ZBTB2: variants seen among roughly 807,000 people sequenced by gnomAD.
The protein encoded by ZBTB2 is zinc finger and BTB domain-containing protein 2.
ZBTB2 carries 2 observed loss-of-function variants against 39.5 expected under a neutral mutation model. The ratio of observed to expected loss-of-function variants is 0.05; its 90% CI spans 0.02 to 0.16. ZBTB2 has a LOEUF of 0.16. Among genes scored for constraint, ZBTB2 ranks in the 10% least tolerant of loss-of-function variants. ZBTB2 has a pLI of 1.00. For synonymous variants in ZBTB2, 251 were observed against 256.6 expected (o/e 0.98, Z 0.21); for missense variants, 391 against 653.0 (o/e 0.60, Z 4.37).
At chr6:151,371,084 CA>C (rs1778780202) in intron 2 of ZBTB2, among the ~76,000 whole-genome samples, 1 of 152,152 alleles carries the variant, frequency 6.6e-6, no homozygotes, top group Non-Finnish European at 1.5e-5. Flanking sequence ...CTGCCCAGTA[CA>C]AAACCCCTAC....
At chr6:151,382,325 A>C (rs1463634938) in intron 1 of ZBTB2, among the ~76,000 whole-genome samples, 2 of 142,326 alleles carry the variant, frequency 1.4e-5, no homozygotes, top group Non-Finnish European at 3.0e-5. Flanking sequence ...GTGCAATCTC[A>C]GCTCACCACA....
At chr6:151,385,470 T>C (rs1355104687) in intron 1 of ZBTB2, among the ~76,000 whole-genome samples, 12 of 152,210 alleles carry the variant, frequency 7.9e-5, no homozygotes, top group Admixed American at 7.9e-4. Flanking sequence ...ACAATTATGT[T>C]GTATTTTGAC....
chr6:151,390,697 C>A (rs910002431), intron 1 of ZBTB2, among the ~76,000 whole-genome samples: 1 of 151,734 alleles, frequency 6.6e-6, no homozygotes, highest in Non-Finnish European at 1.5e-5. Flanking sequence ...CTGTAGGAGC[C>A]GCTGCAGCTG....
At chr6:151,376,253 G>GT (rs1224342048) in intron 1 of ZBTB2, among the ~76,000 whole-genome samples, 1 of 152,126 alleles carries the variant, frequency 6.6e-6, no homozygotes, top group Non-Finnish European at 1.5e-5. Flanking sequence ...GGGAAAAAAA[G>GT]TAAGAAAATC....
chr6:151,376,143 A>T (rs924218822), intron 1 of ZBTB2, among the ~76,000 whole-genome samples: 1 of 152,222 alleles, frequency 6.6e-6, no homozygotes, highest in African/African-American at 2.4e-5. Flanking sequence ...AAAAAGAAAA[A>T]AGACAAAGAA....
At chr6:151,385,338 T>C (rs1582924270) in intron 1 of ZBTB2, among the ~76,000 whole-genome samples, 1 of 152,374 alleles carries the variant, frequency 6.6e-6, no homozygotes, top group East Asian at 1.9e-4. Context: ...TGTTTCCTCC[T>C]TGATAACAGG....
intron 1 of ZBTB2, among the ~76,000 whole-genome samples, chr6:151,376,614 T>C (rs1038101932): frequency 1.3e-5 from 2 of 152,176 alleles, no homozygotes; most frequent in Non-Finnish European, 1.5e-5. Flanking sequence ...TCGAAACCAC[T>C]AGCCACTAGG....
At chr6:151,384,209 A>AG (rs1229871894) in intron 1 of ZBTB2, among the ~76,000 whole-genome samples, 3 of 152,248 alleles carry the variant, frequency 2.0e-5, no homozygotes, top group Non-Finnish European at 4.4e-5. Context: ...GGAAGGGTAG[A>AG]GAGCCAGAGA....
intron 1 of ZBTB2, among the ~76,000 whole-genome samples, chr6:151,387,910 C>CT (rs1485861917): frequency 6.6e-6 from 1 of 152,138 alleles, no homozygotes. Flanking sequence ...CTTAATGGCT[C>CT]TATCGGCATT....
intron 1 of ZBTB2, among the ~76,000 whole-genome samples, chr6:151,379,869 T>G (rs145285636): frequency 1.3e-3 from 202 of 152,236 alleles, no homozygotes; most frequent in African/African-American, 4.7e-3. Flanking sequence ...TATTATTTCC[T>G]TCAATATAGC....
intron 1 of ZBTB2, among the ~76,000 whole-genome samples, chr6:151,387,609 C>A (rs950850777): frequency 1.3e-5 from 2 of 151,784 alleles, no homozygotes; most frequent in African/African-American, 4.8e-5. Flanking sequence ...CAGAACTTAG[C>A]GAGTGCCCCC....
intron 1 of ZBTB2, among the ~76,000 whole-genome samples, chr6:151,385,341 A>C (rs941134260): frequency 1.3e-5 from 2 of 152,236 alleles, no homozygotes; most frequent in East Asian, 3.8e-4. Context: ...TTCCTCCTTG[A>C]TAACAGGACA....
At chr6:151,368,404 C>A (rs1187825658) in intron 2 of ZBTB2, among the ~76,000 whole-genome samples, 1 of 152,150 alleles carries the variant, frequency 6.6e-6, no homozygotes, top group South Asian at 2.1e-4. Flanking sequence ...CCGCCTCGGC[C>A]TCCCAAAGTG....
intron 2 of ZBTB2, among the ~76,000 whole-genome samples, chr6:151,367,199 C>G (rs970782950): frequency 3.3e-5 from 5 of 151,928 alleles, no homozygotes; most frequent in African/African-American, 1.2e-4. Context: ...CGGCTCACTG[C>G]AAGCTCCGCC....
chr6:151,365,429 T>A lies in ZBTB2; in HGVS notation c.*92A>T. On this transcript the variant is annotated 3_prime_UTR_variant, in exon 3 of 3. Coordinates refer to ENST00000325144, the MANE Select transcript of ZBTB2 (RefSeq NM_020861.3). The surrounding 1 kb of genome is among the most constrained non-coding windows in gnomAD (Gnocchi z 5.6). ...AGAAGAGAACAAGGACCTGTTTGTA[T>A]CATGCCATGGAGAACTACAGTTCTG... 7.0e-7 allele frequency: 1 copy of A among 1,423,018 alleles called. No homozygotes were observed. The highest frequency in any genetic ancestry group is 9.5e-7 in the Non-Finnish European group (1 of 1,049,438). 88.1% of individuals were successfully genotyped at this position (1,423,018 alleles called of 1,614,324 possible). A position where few individuals can be genotyped will look rare whatever the true frequency, so the allele number is the denominator to read the frequency against.
chr6:151,369,633 A>T (rs889924534), intron 2 of ZBTB2, among the ~76,000 whole-genome samples: 1 of 151,934 alleles, frequency 6.6e-6, no homozygotes, highest in African/African-American at 2.4e-5. Context: ...CTTAAAAAAA[A>T]ATTTTTTTTT....
intron 1 of ZBTB2, among the ~76,000 whole-genome samples, chr6:151,387,106 G>C (rs1178297405): frequency 6.6e-6 from 1 of 152,164 alleles, no homozygotes; most frequent in Non-Finnish European, 1.5e-5. Context: ...TATTTGAATA[G>C]CCTTTTCAGG....
intron 1 of ZBTB2, among the ~76,000 whole-genome samples, chr6:151,382,646 C>T (rs928440550): frequency 2.6e-5 from 4 of 151,966 alleles, no homozygotes; most frequent in Non-Finnish European, 5.9e-5. Context: ...TCCACCTACC[C>T]GCTTCCCCCA....
intron 1 of ZBTB2, among the ~76,000 whole-genome samples, chr6:151,388,065 ATT>A (rs34664650): frequency 6.7e-6 from 1 of 148,806 alleles, no homozygotes; most frequent in African/African-American, 2.5e-5. Flanking sequence ...GAATGTTTAC[ATT>A]TTTTTTTTTT....
Sources: allele counts gnomAD v4.1 joint callset (sites outside exome capture counted in the v4.1 genomes callset), GRCh38; gene constraint gnomAD v4.1.1; non-coding constraint Gnocchi (gnomAD v3.1); transcripts MANE v1.5; gene names NCBI Gene and HGNC (gene_info 2026-07-23, HGNC 2026-07-21).